The following CCDC27 variants were observed in gnomAD, a reference collection of about 807,000 sequenced individuals.
The protein encoded by CCDC27 is coiled-coil domain containing 27.
In CCDC27, 80 loss-of-function variants were observed where a neutral mutation model predicts 80.3. That is an observed-to-expected ratio of 1.00 (90% CI 0.83 to 1.20). The LOEUF is 1.20. CCDC27 is among the 50% of genes most tolerant of loss of function. The probability of loss-of-function intolerance (pLI) is 0.00; values close to 1 mark genes in which losing one functional copy is unlikely to be tolerated. For synonymous variants in CCDC27, 342 were observed against 334.3 expected (o/e 1.02, Z -0.25); for missense variants, 815 against 809.4 (o/e 1.01, Z -0.08).
chr1:3,760,046 A>G lies in CCDC27; in HGVS notation c.712-1235A>G, dbSNP rs1307152192. ...TAAACTCTTCTCATTTGGTGGCAAG[A>G]GAGCCACCTGCAGCAACAAGTTTGC... On this transcript the variant is annotated intron_variant, in intron 4 of 11. Transcript: ENST00000294600. This position sits in a 1 kb window ranked among gnomAD's most constrained non-coding sequence, Gnocchi z 4.3. Among the ~76,000 whole-genome samples, 1 of 152,184 alleles carries G rather than the reference A, an allele frequency of 6.6e-6. No individual in the cohort carries two copies. Among genetic ancestry groups the G allele is most frequent in the Admixed American group, 6.5e-5 (1 of 15,280 alleles).
At position 3,767,334 on chromosome 1, in the gene CCDC27, GA is replaced by G. The variant is rs759334231; in HGVS notation, c.1634del (p.Asn545ThrfsTer19). 3.1e-6 allele frequency: 5 copies of G among 1,614,046 alleles called. No individual in the cohort carries two copies. In the South Asian group the frequency reaches 5.5e-5, roughly 18 times the overall value. On this transcript the variant is annotated frameshift_variant, in exon 10 of 12. Coordinates refer to ENST00000294600, the MANE Select transcript of CCDC27 (RefSeq NM_152492.3). LOFTEE classifies it high-confidence loss of function. ...QLQEQVELDQ[N>X]HLQRWKQLQE... ...TGCAGGAGCAGGTGGAACTGGACCA[GA>G]ACCACCTGCAGAGGTGGAAGCAGCT... is the stretch of plus-strand genomic sequence containing the variant.
chr1:3,760,562 G>A lies in CCDC27; in HGVS notation c.712-719G>A, dbSNP rs149716232. ...GCGTCCCACGAGCTTTGATGTGTCC[G>A]GATGTTCATTATCAGTTTAAAATGT... On this transcript the variant is annotated intron_variant, in intron 4 of 11. Coordinates refer to ENST00000294600, the MANE Select transcript of CCDC27 (RefSeq NM_152492.3). The surrounding 1 kb of genome is among the most constrained non-coding windows in gnomAD (Gnocchi z 4.3). 2.2e-3 allele frequency among the ~76,000 whole-genome samples: 332 copies of A among 152,246 alleles called. No individual in the cohort carries two copies. The highest frequency in any genetic ancestry group is 7.1e-3 in the African/African-American group (294 of 41,542).
rs1178647552 is a variant in CCDC27 at position 3,768,322 on chromosome 1, C to T, written c.1743+877C>T. Among the ~76,000 whole-genome samples, 1 of 152,034 alleles carries T rather than the reference C, an allele frequency of 6.6e-6. No homozygotes were observed. Among genetic ancestry groups the T allele is most frequent in the African/African-American group, 2.4e-5 (1 of 41,406 alleles). On this transcript the variant is annotated intron_variant, in intron 10 of 11. Coordinates refer to ENST00000294600, the MANE Select transcript of CCDC27 (RefSeq NM_152492.3). This position sits in a 1 kb window ranked among gnomAD's most constrained non-coding sequence, Gnocchi z 5.6. Reference sequence around the variant, plus strand: ...ATGCTGTCCAGGCTGGTCTTGAACTCCTGGGCTCCAGCAATCTGCCTGCCT... The same window carrying T: ...ATGCTGTCCAGGCTGGTCTTGAACTTCTGGGCTCCAGCAATCTGCCTGCCT...
chr1:3,765,507 G>C (rs765881559), intron 8 of CCDC27, among the ~76,000 whole-genome samples: 1 of 152,036 alleles, frequency 6.6e-6, no homozygotes. Flanking sequence ...GTCTCTTACC[G>C]ATACTTTCTA....
rs1643143565 is a variant in CCDC27, at chr1:3,763,417, A to G, written c.1264A>G (p.Ile422Val). Residue 422 changes from isoleucine (I) to valine (V), a missense_variant, in exon 7 of 12, where the codon ATC becomes GTC. Ile to Val is a conservative substitution (Grantham distance 29, BLOSUM62 3). Coordinates refer to ENST00000294600, the MANE Select transcript of CCDC27 (RefSeq NM_152492.3). The surrounding 1 kb of genome is among the most constrained non-coding windows in gnomAD (Gnocchi z 7.5). ...LAQLEEYEQVILDFQFNLEAT... is the reference protein window; with the variant it reads ...LAQLEEYEQVVLDFQFNLEAT... ...CCAGCTGGAGGAGTACGAGCAGGTC[A>G]TCCTGGACTTCCAGTTCAACCTGGA... The G allele has an allele frequency of 1.2e-6, 2 of 1,612,146 alleles. No individual in the cohort carries two copies. Among genetic ancestry groups the G allele is most frequent in the Non-Finnish European group, 8.5e-7 (1 of 1,179,678 alleles).
At chr1:3,756,659 T>C in intron 3 of CCDC27, 74 bp from the exon 4 acceptor site, 1 of 1,531,444 alleles carries the variant, frequency 6.5e-7, no homozygotes, top group East Asian at 2.3e-5. Context: ...AGGGTGGATG[T>C]CGTCATCGAA....
intron 1 of CCDC27, among the ~76,000 whole-genome samples, chr1:3,753,737 G>A (rs978426670): frequency 6.6e-6 from 1 of 152,236 alleles, no homozygotes; most frequent in African/African-American, 2.4e-5. Context: ...CACACACGCA[G>A]GCCCTTTCAA....
intron 2 of CCDC27, among the ~76,000 whole-genome samples, chr1:3,754,764 TG>T (rs1386355888): frequency 1.4e-5 from 2 of 147,288 alleles, no homozygotes; most frequent in East Asian, 4.1e-4. Flanking sequence ...GGACCTGGAC[TG>T]GTTCCATGTC....
chr1:3,757,589 G>A (rs535978467), intron 4 of CCDC27, among the ~76,000 whole-genome samples: 118 of 151,964 alleles, frequency 7.8e-4, no homozygotes, highest in Non-Finnish European at 7.8e-4. Context: ...CTACAGGTGC[G>A]TACCACCACA....
Position 3,761,231 on chromosome 1 carries a change from G to T in CCDC27, c.712-50G>T. The T allele has an allele frequency of 1.3e-6, 2 of 1,595,066 alleles. No homozygotes were observed. The highest frequency in any genetic ancestry group is 1.7e-6 in the Non-Finnish European group (2 of 1,169,584). ...GTGGGCTGGAGGCAGGTCAGGGGAA[G>T]AGTGTGTGGCTGCATGGCCCACGGG... On this transcript the variant is annotated intron_variant, in intron 4 of 11. Transcript: ENST00000294600. This position sits in a 1 kb window ranked among gnomAD's most constrained non-coding sequence, Gnocchi z 5.0.
chr1:3,763,338 C>A lies in CCDC27; in HGVS notation c.1185C>A (p.Ile395=), dbSNP rs202115446. Residue 395 remains isoleucine, a synonymous_variant, in exon 7 of 12, where the codon ATC becomes ATA. Coordinates refer to ENST00000294600, the MANE Select transcript of CCDC27 (RefSeq NM_152492.3). This position sits in a 1 kb window ranked among gnomAD's most constrained non-coding sequence, Gnocchi z 7.5. The part of the protein sequence containing the change: ...EERELPEEEE[I]PRRRASSLAE... ...GGGAGCTGCCGGAGGAAGAGGAGATCCCCAGGAGAAGGGCCTCCTCCCTGG... is the reference window on the plus strand; with the variant it reads ...GGGAGCTGCCGGAGGAAGAGGAGATACCCAGGAGAAGGGCCTCCTCCCTGG... The A allele has an allele frequency of 8.7e-5, 141 of 1,612,938 alleles. No individual in the cohort carries two copies. The East Asian group carries it at 3.0e-3, about 34-fold the overall frequency.
At chr1:3,758,218 TC>T (rs1643007099) in intron 4 of CCDC27, among the ~76,000 whole-genome samples, 2 of 152,046 alleles carry the variant, frequency 1.3e-5, no homozygotes, top group Non-Finnish European at 2.9e-5. Flanking sequence ...TGAGACAGAG[TC>T]TCTCTCTGTT....
chr1:3,767,986 C>A (rs531323735), intron 10 of CCDC27, among the ~76,000 whole-genome samples: 1 of 152,218 alleles, frequency 6.6e-6, no homozygotes, highest in Admixed American at 6.5e-5. Flanking sequence ...GCAGTCTCAA[C>A]TGCAGGGCTC....
rs533291381 is a variant in CCDC27, at chr1:3,765,208, G to A, written c.1453-1327G>A. On this transcript the variant is annotated intron_variant, in intron 8 of 11. Coordinates refer to ENST00000294600, the MANE Select transcript of CCDC27 (RefSeq NM_152492.3). ...TCCTCTGTTGTCTTCCAGGTTGGCCGATGATAAGTCCAAAGTCGTTCATGG... is the reference window on the plus strand; with the variant it reads ...TCCTCTGTTGTCTTCCAGGTTGGCCAATGATAAGTCCAAAGTCGTTCATGG... 1.2e-4 allele frequency among the ~76,000 whole-genome samples: 18 copies of A among 152,294 alleles called. 1 individual carries two copies. Among genetic ancestry groups the A allele is most frequent in the South Asian group, 2.1e-4 (1 of 4,826 alleles).
In CCDC27 at chr1:3,763,535, G is replaced by A; in HGVS notation, c.1321+61G>A. 6.5e-7 allele frequency: 1 copy of A among 1,549,242 alleles called. No homozygotes were observed. Among genetic ancestry groups the A allele is most frequent in the South Asian group, 1.2e-5 (1 of 80,136 alleles). ...CTCAGTGGTTCCCGGCCCAGGAGCTGGGACGCCCAGACGCTGCCTGCTCTG... is the reference window on the plus strand; with the variant it reads ...CTCAGTGGTTCCCGGCCCAGGAGCTAGGACGCCCAGACGCTGCCTGCTCTG... On this transcript the variant is annotated intron_variant, in intron 7 of 11. Transcript: ENST00000294600. This position sits in a 1 kb window ranked among gnomAD's most constrained non-coding sequence, Gnocchi z 7.5.
At chr1:3,752,959 A>G (rs190430963) in intron 1 of CCDC27, among the ~76,000 whole-genome samples, 160 bp downstream of exon 1, 216 of 152,318 alleles carry the variant, frequency 1.4e-3, no homozygotes, top group Non-Finnish European at 2.2e-3. Context: ...ATTGAGCGCT[A>G]GGGGTGGAAA....
At chr1:3,758,312 C>T (rs1439643306) in intron 4 of CCDC27, among the ~76,000 whole-genome samples, 1 of 151,480 alleles carries the variant, frequency 6.6e-6, no homozygotes, top group African/African-American at 2.4e-5. Flanking sequence ...CCTCAGCCTC[C>T]CAAGTAGCTG....
chr1:3,752,699 T>C lies in CCDC27; in HGVS notation c.218T>C (p.Met73Thr). 1.2e-6 allele frequency: 2 copies of C among 1,613,916 alleles called. No homozygotes were observed. Among genetic ancestry groups the C allele is most frequent in the Admixed American group, 1.7e-5 (1 of 60,024 alleles). ...MARALVLLQS[M>T]ASRDARCPEW... ...AGGGCCCTGGTGCTCCTCCAGAGCATGGCCAGCCGGGACGCCCGGTGCCCA... is the reference window on the plus strand; with the variant it reads ...AGGGCCCTGGTGCTCCTCCAGAGCACGGCCAGCCGGGACGCCCGGTGCCCA... Residue 73 changes from methionine (M) to threonine (T), a missense_variant, in exon 1 of 12, where the codon ATG becomes ACG. By Grantham distance (81) the Met-to-Thr change is moderately conservative (BLOSUM62 -1). Coordinates refer to ENST00000294600, the MANE Select transcript of CCDC27 (RefSeq NM_152492.3).
intron 4 of CCDC27, among the ~76,000 whole-genome samples, chr1:3,759,077 C>T (rs952105001): frequency 4.0e-5 from 6 of 151,700 alleles, no homozygotes; most frequent in East Asian, 1.9e-4. Flanking sequence ...AATAGCTGGA[C>T]GTGGTGGCAG....
Sources: gnomAD v4.1 joint callset for allele counts (sites outside exome capture counted in the v4.1 genomes callset) on GRCh38, gnomAD v4.1.1 for gene constraint, Gnocchi (gnomAD v3.1) non-coding constraint, MANE v1.5 for transcripts, NCBI Gene and HGNC (gene_info 2026-07-23, HGNC 2026-07-21) for gene names.